CNTN5: variants seen among roughly 807,000 people sequenced by gnomAD.
CNTN5 encodes contactin 5, also known as contactin-5.
Under a neutral mutation model 129.1 loss-of-function variants are expected in CNTN5, and 77 were observed. The ratio of observed to expected loss-of-function variants is 0.60; its 90% confidence interval spans 0.50 to 0.72. The LOEUF is 0.72. Ranked by LOEUF, CNTN5 falls within the 30% of genes least tolerant of loss-of-function variation. The pLI is 0.00. For synonymous variants in CNTN5, 509 were observed against 465.6 expected (o/e 1.09, Z -1.20); for missense variants, 1,478 against 1,328.8 (o/e 1.11, Z -1.75).
At chr11:99,486,550 A>G (rs2135333612) in intron 2 of CNTN5, among the ~76,000 whole-genome samples, 1 of 152,298 alleles carries the variant, frequency 6.6e-6, no homozygotes, top group African/African-American at 2.4e-5. Context: ...TAGTGTGAGT[A>G]AATGATGGTT....
chr11:99,991,194 G>A (rs745404582), intron 8 of CNTN5, among the ~76,000 whole-genome samples: 3 of 152,198 alleles, frequency 2.0e-5, no homozygotes, highest in South Asian at 4.1e-4. Context: ...CAGGCCAGGC[G>A]TGGTGGCTCA....
intron 15 of CNTN5, among the ~76,000 whole-genome samples, chr11:100,201,548 T>C (rs1303225837): frequency 6.6e-6 from 1 of 151,960 alleles, no homozygotes; most frequent in African/African-American, 2.4e-5. Context: ...ACATAATCGG[T>C]ACTTTCTTTT....
rs533675657 is a variant in CNTN5, at chr11:99,864,530, C to A, written c.577+19268C>A. ...TGTAGTCTTCCCTCGATTCCACAAA[C>A]CCACTTGCCCATTAGGGTCTTGTTT... On this transcript the variant is annotated intron_variant, in intron 6 of 24. Coordinates refer to ENST00000524871, the MANE Select transcript of CNTN5 (RefSeq NM_014361.4). 3.9e-5 allele frequency among the ~76,000 whole-genome samples: 6 copies of A among 152,260 alleles called. No homozygotes were observed. The South Asian group carries it at 1.2e-3, about 32-fold the overall frequency.
intron 3 of CNTN5, among the ~76,000 whole-genome samples, chr11:99,702,352 G>A (rs1319767922): frequency 6.6e-6 from 1 of 150,778 alleles, no homozygotes; most frequent in Non-Finnish European, 1.5e-5. Flanking sequence ...CGAACACACA[G>A]CCTTGTTTGT....
intron 3 of CNTN5, among the ~76,000 whole-genome samples, chr11:99,658,323 C>T (rs763590922): frequency 6.6e-6 from 1 of 152,064 alleles, no homozygotes; most frequent in Admixed American, 6.6e-5. Flanking sequence ...CAAATCCCCT[C>T]TAATTCAGAA....
intron 1 of CNTN5, among the ~76,000 whole-genome samples, chr11:99,172,650 T>C (rs1269628466): frequency 6.6e-6 from 1 of 152,172 alleles, no homozygotes; most frequent in Non-Finnish European, 1.5e-5. Flanking sequence ...GAGAATAAAA[T>C]ATTAATTAAA....
intron 1 of CNTN5, among the ~76,000 whole-genome samples, chr11:99,112,355 AC>A (rs750571951): frequency 6.6e-6 from 1 of 152,060 alleles, no homozygotes; most frequent in East Asian, 1.9e-4. Context: ...AATCTGAAAT[AC>A]GCTTTTTCCT....
At chr11:99,898,084 A>C (rs1949255854) in intron 6 of CNTN5, among the ~76,000 whole-genome samples, 1 of 152,134 alleles carries the variant, frequency 6.6e-6, no homozygotes, top group South Asian at 2.1e-4. Context: ...CATTGCTAAG[A>C]GGAAATTTTA....
intron 13 of CNTN5, among the ~76,000 whole-genome samples, chr11:100,164,318 C>A (rs951735699): frequency 3.3e-5 from 5 of 151,676 alleles, no homozygotes; most frequent in African/African-American, 1.2e-4. Flanking sequence ...TTTCTTAGTC[C>A]TTTGAATTTT....
At position 99,497,801 on chromosome 11, in the gene CNTN5, T is replaced by C. The variant is rs569064461; in HGVS notation, c.-70-58344T>C. Among the ~76,000 whole-genome samples, 16 of 152,136 alleles carry C rather than the reference T, an allele frequency of 1.1e-4. No individual in the cohort carries two copies. The South Asian group carries it at 1.7e-3, about 16-fold the overall frequency. On this transcript the variant is annotated intron_variant, in intron 2 of 24. Coordinates refer to ENST00000524871, the MANE Select transcript of CNTN5 (RefSeq NM_014361.4). ...AGAATATATTACTGAATAAGGAAAATGGGGACATACTAGGAATCATCGTTT... is the reference window on the plus strand; with the variant it reads ...AGAATATATTACTGAATAAGGAAAACGGGGACATACTAGGAATCATCGTTT...
At chr11:99,296,749 T>C (rs1369829240) in intron 1 of CNTN5, among the ~76,000 whole-genome samples, 1 of 152,170 alleles carries the variant, frequency 6.6e-6, no homozygotes. Flanking sequence ...CACTTTTAAT[T>C]AAGCTGGTTT....
chr11:99,311,521 A>G (rs1469150922), intron 1 of CNTN5, among the ~76,000 whole-genome samples: 1 of 152,120 alleles, frequency 6.6e-6, no homozygotes, highest in Non-Finnish European at 1.5e-5. Context: ...TCACTAGGGA[A>G]GGGGTTCTGA....
chr11:99,163,352 T>C (rs1405721323), intron 1 of CNTN5, among the ~76,000 whole-genome samples: 1 of 152,078 alleles, frequency 6.6e-6, no homozygotes, highest in African/African-American at 2.4e-5. Flanking sequence ...CTCCTTTTGG[T>C]TGAATTAGAT....
intron 10 of CNTN5, 131 bp from the exon 11 acceptor site, chr11:100,070,293 C>A: frequency 3.5e-6 from 3 of 867,804 alleles, no homozygotes; most frequent in Non-Finnish European, 5.1e-6. Context: ...CAATGCTGTG[C>A]TTCTTCAAAA....
In CNTN5 at chr11:99,835,916, G is replaced by A. The variant is rs373201286; in HGVS notation, c.278-8936G>A. On this transcript the variant is annotated intron_variant, in intron 4 of 24. Coordinates refer to ENST00000524871, the MANE Select transcript of CNTN5 (RefSeq NM_014361.4). ...TAATATTGTTATAGGAAAGAGGTCC[G>A]GATACAGACCCCAAGAGAGGGTTGT... 3.9e-5 allele frequency among the ~76,000 whole-genome samples: 6 copies of A among 152,132 alleles called. No individual in the cohort carries two copies. In the East Asian group the frequency reaches 7.8e-4, roughly 20 times the overall value.
At chr11:99,213,362 A>G (rs991191853) in intron 1 of CNTN5, among the ~76,000 whole-genome samples, 3 of 59,648 alleles carry the variant, frequency 5.0e-5, no homozygotes, top group African/African-American at 1.6e-4. Flanking sequence ...ATATGTGTAT[A>G]TATGTATATA....
intron 1 of CNTN5, among the ~76,000 whole-genome samples, chr11:99,124,826 A>G (rs1858537445): frequency 6.6e-6 from 1 of 152,088 alleles, no homozygotes; most frequent in East Asian, 1.9e-4. Context: ...CTCAGAGACT[A>G]CTATAAACAA....
Position 99,679,408 on chromosome 11 carries a change from A to G in CNTN5, c.55+123139A>G, listed in dbSNP as rs147387669. 2.4e-3 allele frequency among the ~76,000 whole-genome samples: 370 copies of G among 152,078 alleles called. 1 individual carries two copies. Among genetic ancestry groups the G allele is most frequent in the African/African-American group, 8.4e-3 (350 of 41,508 alleles). On this transcript the variant is annotated intron_variant, in intron 3 of 24. Coordinates refer to ENST00000524871, the MANE Select transcript of CNTN5 (RefSeq NM_014361.4). ...TTTTCAAACAGCATGTGTTCACTCT[A>G]CCTTTATATCACATTTTGGTAATTC...
chr11:99,161,540 G>A (rs1314765263), intron 1 of CNTN5, among the ~76,000 whole-genome samples: 1 of 152,144 alleles, frequency 6.6e-6, no homozygotes, highest in Admixed American at 6.5e-5. Context: ...AGCATGGAGA[G>A]TTGCATTGCT....
Sources: allele counts gnomAD v4.1 joint callset (sites outside exome capture counted in the v4.1 genomes callset), GRCh38; gene constraint gnomAD v4.1.1; transcripts MANE v1.5; gene names NCBI Gene and HGNC (gene_info 2026-07-23, HGNC 2026-07-21).